The following DMD variants were observed in gnomAD, a reference collection of about 807,000 sequenced individuals.
The protein encoded by DMD is dystrophin.
Under a neutral mutation model 330.1 loss-of-function variants are expected in DMD, and 63 were observed. The observed-to-expected ratio is 0.19, with a 90% CI of 0.16 to 0.24. DMD has a LOEUF of 0.24. Ranked by LOEUF, DMD falls within the 10% of genes least tolerant of loss-of-function variation. The pLI, the probability that DMD is intolerant of heterozygous loss-of-function variation, is 1.00. For missense variants in DMD, 3,344 were observed against 2,684.1 expected, an observed-to-expected ratio of 1.25 and a Z score of -5.43; for synonymous variants, 1,223 against 959.8, an observed-to-expected ratio of 1.27 and a Z score of -5.07.
At chrX:32,613,735 C>A (rs57949707) in intron 12 of DMD, among the ~76,000 whole-genome samples, 6,062 of 110,802 alleles carry the variant, frequency 0.055, 401 homozygotes, top group African/African-American at 0.19. Flanking sequence ...GCGTTGTTCT[C>A]ATCCACAAAT....
intron 7 of DMD, among the ~76,000 whole-genome samples, chrX:32,794,858 A>G (rs1295301628): frequency 8.9e-6 from 1 of 112,098 alleles, no homozygotes; most frequent in Non-Finnish European, 1.9e-5. Flanking sequence ...ATTCAGTAGC[A>G]TTTCTATATA....
At chrX:32,592,139 G>A (rs914428671) in intron 13 of DMD, among the ~76,000 whole-genome samples, 1 of 111,386 alleles carries the variant, frequency 9.0e-6, no homozygotes, top group African/African-American at 3.3e-5. Flanking sequence ...GCAGGAGGCA[G>A]ACTGGCTCCT....
chrX:33,310,825 C>A (rs951781636), intron 1 of DMD, among the ~76,000 whole-genome samples: 13 of 110,743 alleles, frequency 1.2e-4, no homozygotes, highest in African/African-American at 3.9e-4. Flanking sequence ...CTCAAGATGT[C>A]CCTAAAACAT....
intron 44 of DMD, among the ~76,000 whole-genome samples, chrX:32,002,552 C>T (rs1032915894): frequency 4.5e-5 from 5 of 111,424 alleles, no homozygotes; most frequent in Non-Finnish European, 7.6e-5. Context: ...ATGATGAAAG[C>T]TTGTCTTTTT....
chrX:32,673,468 A>C (rs1349939063), intron 9 of DMD, among the ~76,000 whole-genome samples: 2 of 111,752 alleles, frequency 1.8e-5, no homozygotes, highest in East Asian at 5.7e-4. Context: ...TTGTCTGAAG[A>C]AGCCCTCTCT....
chrX:33,214,785 C>G (rs2052021253), upstream of DMD, among the ~76,000 whole-genome samples: 1 of 111,457 alleles, frequency 9.0e-6, no homozygotes, highest in African/African-American at 3.3e-5. Flanking sequence ...TTCTGAGTAG[C>G]TGGGTCTACA....
chrX:32,299,910 C>T (rs2097515126), intron 42 of DMD, among the ~76,000 whole-genome samples: 2 of 111,531 alleles, frequency 1.8e-5, no homozygotes, highest in Non-Finnish European at 3.8e-5. Context: ...CTAGTTTCTG[C>T]TTTTTGTGCT....
intron 4 of DMD, among the ~76,000 whole-genome samples, chrX:32,839,705 A>C (rs181334038): frequency 9.7e-6 from 1 of 102,793 alleles, no homozygotes; most frequent in South Asian, 4.7e-4. Flanking sequence ...TACTTATGAC[A>C]AAATGGAGAA....
chrX:31,417,397 T>G (rs2061930151), intron 60 of DMD, among the ~76,000 whole-genome samples: 1 of 110,533 alleles, frequency 9.0e-6, no homozygotes, highest in Non-Finnish European at 1.9e-5. Flanking sequence ...GTTCAAGTGA[T>G]TCTCCTGCCT....
chrX:32,184,670 T>A (rs1285554948), intron 44 of DMD, among the ~76,000 whole-genome samples: 1 of 110,908 alleles, frequency 9.0e-6, no homozygotes, highest in Non-Finnish European at 1.9e-5. Context: ...CAAAAAGCTA[T>A]GTTGCCCTGT....
rs190850030 is a variant in DMD, at chrX:31,753,918, A to G, written c.7542+20042T>C. Reference sequence around the variant, plus strand: ...AGTAGCATGTTAACCAACTTTTTCTATGATCCTCTTCCCCTTCTCAATACC... The same window carrying G: ...AGTAGCATGTTAACCAACTTTTTCTGTGATCCTCTTCCCCTTCTCAATACC... On this transcript the variant is annotated intron_variant, in intron 51 of 78. Coordinates refer to ENST00000357033, the MANE Select transcript of DMD (RefSeq NM_004006.3). Among the ~76,000 whole-genome samples, 15 of 111,529 alleles carry G rather than the reference A, an allele frequency of 1.3e-4. No homozygotes were observed. The East Asian group carries it at 3.4e-3, about 25-fold the overall frequency.
At chrX:33,330,056 TATAG>T (rs1204402352) in intron 1 of DMD, among the ~76,000 whole-genome samples, 1 of 111,289 alleles carries the variant, frequency 9.0e-6, no homozygotes, top group East Asian at 2.8e-4. Flanking sequence ...TAAATAGATA[TATAG>T]ATAAATATAT....
intron 17 of DMD, among the ~76,000 whole-genome samples, chrX:32,535,320 T>C (rs953296460): frequency 8.9e-6 from 1 of 111,942 alleles, no homozygotes; most frequent in South Asian, 3.7e-4. Context: ...TAGAGGGATA[T>C]ACATTTCCCA....
In DMD at chrX:32,803,627, T is replaced by C. The variant is rs769354755; in HGVS notation, c.649+5866A>G. Among the ~76,000 whole-genome samples, 29 of 112,105 alleles carry C rather than the reference T, an allele frequency of 2.6e-4. 1 individual carries two copies. In the Admixed American group the frequency reaches 2.6e-3, roughly 10 times the overall value. The stretch of plus-strand genomic sequence containing the variant: ...TAAATTTCCCTCTTCTAAACACTTC[T>C]TTAGCTGTGTCCCACAGATTCTGCT... On this transcript the variant is annotated intron_variant, in intron 7 of 78. Transcript: ENST00000357033.
intron 7 of DMD, among the ~76,000 whole-genome samples, chrX:32,752,863 C>G (rs754705414): frequency 1.8e-5 from 2 of 110,495 alleles, no homozygotes; most frequent in Non-Finnish European, 1.9e-5. Flanking sequence ...GCTTTCTTTG[C>G]CCTCTGTCAT....
chrX:31,400,609 T>C (rs760957753), intron 60 of DMD, among the ~76,000 whole-genome samples: 1 of 111,748 alleles, frequency 8.9e-6, no homozygotes, highest in Admixed American at 9.5e-5. Context: ...AAGACGAAGA[T>C]GAAAGTCTTG....
At chrX:32,287,939 C>T (rs1411393564) in intron 42 of DMD, among the ~76,000 whole-genome samples, 1 of 110,674 alleles carries the variant, frequency 9.0e-6, no homozygotes, top group Non-Finnish European at 1.9e-5. Context: ...AAACTGCCTT[C>T]ATTTGGCTTC....
intron 7 of DMD, among the ~76,000 whole-genome samples, chrX:32,737,129 G>A (rs917213327): frequency 4.6e-4 from 50 of 108,660 alleles, no homozygotes; most frequent in Admixed American, 2.5e-3. Context: ...ACCACCAACA[G>A]CAACAACAAA....
intron 1 of DMD, among the ~76,000 whole-genome samples, chrX:33,149,806 C>T (rs765849672): frequency 4.4e-4 from 49 of 111,300 alleles, no homozygotes; most frequent in African/African-American, 1.5e-3. Context: ...ATTTAGGGAT[C>T]AAGTTGATAC....
Sources: allele counts gnomAD v4.1 joint callset (sites outside exome capture counted in the v4.1 genomes callset), GRCh38; gene constraint gnomAD v4.1.1; transcripts MANE v1.5; gene names NCBI Gene and HGNC (gene_info 2026-07-23, HGNC 2026-07-21).